The following KIF26B variants were observed in gnomAD, a reference collection of about 807,000 sequenced individuals.
The protein encoded by KIF26B is kinesin family member 26B.
KIF26B carries 63 observed loss-of-function variants against 151.2 expected under a neutral mutation model. The ratio of observed to expected loss-of-function variants is 0.42; its 90% CI spans 0.34 to 0.51. KIF26B has a LOEUF of 0.51. Ranked by LOEUF, KIF26B falls within the 20% of genes least tolerant of loss-of-function variation. The pLI is 0.07. For missense variants in KIF26B, 2,813 were observed against 2,913.6 expected, an observed-to-expected ratio of 0.97 and a Z score of 0.79; for synonymous variants, 1,357 against 1,262.1, an observed-to-expected ratio of 1.08 and a Z score of -1.59.
chr1:245,680,845 G>A (rs542845259), intron 10 of KIF26B, among the ~76,000 whole-genome samples: 3 of 152,316 alleles, frequency 2.0e-5, no homozygotes, highest in East Asian at 1.9e-4. Context: ...GAGGTGGAGC[G>A]TGCAAAGCTC....
At chr1:245,384,460 G>A (rs915763314) in intron 3 of KIF26B, among the ~76,000 whole-genome samples, 3 of 152,180 alleles carry the variant, frequency 2.0e-5, no homozygotes, top group African/African-American at 7.2e-5. Flanking sequence ...ATCTCTTTCT[G>A]TTGCCCAGCT....
At position 245,280,537 on chromosome 1, in the gene KIF26B, A is replaced by AAAAAAAAAAAAAAG. The variant is rs752454576; in HGVS notation, c.466-86293_466-86292insAAAAAAAAAGAAAA. 8.0e-4 allele frequency among the ~76,000 whole-genome samples: 99 copies of AAAAAAAAAAAAAAG among 123,686 alleles called. 1 individual carries two copies. Among genetic ancestry groups the AAAAAAAAAAAAAAG allele is most frequent in the Non-Finnish European group, 9.5e-4 (52 of 54,588 alleles). The allele number at this position is 123,686 out of a possible 152,430, so 81.1% of individuals were successfully genotyped here. On this transcript the variant is annotated intron_variant, in intron 2 of 14. Coordinates refer to ENST00000407071, the MANE Select transcript of KIF26B (RefSeq NM_018012.4). ...CAGAGCGAGACTCTGTCTCAAAAAA[A>AAAAAAAAAAAAAAG]AAAAGAAAAGAAATTATTTTAGGCA...
At chr1:245,628,761 C>A in intron 9 of KIF26B, among the ~76,000 whole-genome samples, 1 of 152,120 alleles carries the variant, frequency 6.6e-6, no homozygotes, top group East Asian at 1.9e-4. Context: ...GGCAATCAGA[C>A]AAGAGGAAGA....
chr1:245,454,684 G>A (rs1010065440), intron 4 of KIF26B, among the ~76,000 whole-genome samples: 5 of 152,204 alleles, frequency 3.3e-5, no homozygotes, highest in Admixed American at 6.5e-5. Flanking sequence ...GGCCTCAATG[G>A]AAAGGATCTG....
chr1:245,360,218 A>G (rs1483020565), intron 2 of KIF26B, among the ~76,000 whole-genome samples: 1 of 152,116 alleles, frequency 6.6e-6, no homozygotes, highest in African/African-American at 2.4e-5. Flanking sequence ...GGTTAAGTGA[A>G]TATGATATGT....
Position 245,231,518 on chromosome 1 carries a change from AG to A in KIF26B, c.465+74836del, listed in dbSNP as rs371739573. On this transcript the variant is annotated intron_variant, in intron 2 of 14. Coordinates refer to ENST00000407071, the MANE Select transcript of KIF26B (RefSeq NM_018012.4). ...GTGACAGAGCAAGACTTCGTCTAAA[AG>A]AAAAATAAATAAAACTAGAATCCAA... Among the ~76,000 whole-genome samples the A allele has an allele frequency of 2.9e-3, 448 of 151,912 alleles. 4 individuals carry two copies. The highest frequency in any genetic ancestry group is 9.9e-3 in the African/African-American group (411 of 41,518).
At chr1:245,662,156 T>C (rs943228181) in intron 10 of KIF26B, among the ~76,000 whole-genome samples, 1 of 150,242 alleles carries the variant, frequency 6.7e-6, no homozygotes, top group Non-Finnish European at 1.5e-5. Flanking sequence ...CATATATATA[T>C]ACCCAATGAC....
Position 245,698,629 on chromosome 1 carries a change from C to T in KIF26B, c.6028-258C>T, listed in dbSNP as rs1332210586. Among the ~76,000 whole-genome samples, 2 of 152,196 alleles carry T rather than the reference C, an allele frequency of 1.3e-5. No individual in the cohort carries two copies. The highest frequency in any genetic ancestry group is 2.9e-5 in the Non-Finnish European group (2 of 68,054). On this transcript the variant is annotated intron_variant, in intron 13 of 14. Coordinates refer to ENST00000407071, the MANE Select transcript of KIF26B (RefSeq NM_018012.4). The surrounding 1 kb of genome is among the most constrained non-coding windows in gnomAD (Gnocchi z 4.0). Reference sequence around the variant, plus strand: ...CTTTGTCCAACTTGAACACCCACCACCTGCTTTCTCAACTTAAGAATGGCC... The same window carrying T: ...CTTTGTCCAACTTGAACACCCACCATCTGCTTTCTCAACTTAAGAATGGCC...
intron 4 of KIF26B, among the ~76,000 whole-genome samples, chr1:245,506,823 A>G (rs1398067097): frequency 1.3e-5 from 2 of 152,056 alleles, no homozygotes; most frequent in African/African-American, 4.8e-5. Context: ...TGGGATTACA[A>G]CCATGTAATT....
At chr1:245,670,403 G>C (rs1314227447) in intron 10 of KIF26B, among the ~76,000 whole-genome samples, 1 of 151,428 alleles carries the variant, frequency 6.6e-6, no homozygotes, top group Non-Finnish European at 1.5e-5. Context: ...AGCTGTGTAA[G>C]TTTAGAGTGT....
intron 9 of KIF26B, among the ~76,000 whole-genome samples, chr1:245,613,081 G>C (rs2043546192): frequency 6.6e-6 from 1 of 152,202 alleles, no homozygotes. Context: ...TGCTGGGCTG[G>C]CCGGGCAGTG....
At chr1:245,353,705 G>A (rs7521358) in intron 2 of KIF26B, 3,755 of 152,412 alleles carry the variant, frequency 0.025, 158 homozygotes, top group African/African-American at 0.083. Context: ...TGCTCCTCCC[G>A]CCCTCCCCAC....
intron 5 of KIF26B, among the ~76,000 whole-genome samples, chr1:245,575,112 G>A (rs984208629): frequency 1.3e-5 from 2 of 150,348 alleles, no homozygotes; most frequent in African/African-American, 2.4e-5. Flanking sequence ...TGATCCACCC[G>A]CCTCGGCCTC....
chr1:245,320,237 C>T (rs1358014811), intron 2 of KIF26B, among the ~76,000 whole-genome samples: 8 of 152,174 alleles, frequency 5.3e-5, no homozygotes, highest in African/African-American at 1.9e-4. Context: ...GCAGGCAGGA[C>T]CCCAGGACTT....
At chr1:245,190,215 G>A (rs902923807) in intron 2 of KIF26B, among the ~76,000 whole-genome samples, 4 of 152,304 alleles carry the variant, frequency 2.6e-5, no homozygotes, top group African/African-American at 4.8e-5. Flanking sequence ...TACAATTCAC[G>A]ATGAAATTTG....
chr1:245,668,405 A>G (rs1395188639), intron 10 of KIF26B, among the ~76,000 whole-genome samples: 1 of 152,010 alleles, frequency 6.6e-6, no homozygotes, highest in African/African-American at 2.4e-5. Flanking sequence ...ATCACTAAAA[A>G]ACTCTAATCT....
In KIF26B at chr1:245,678,092, C is replaced by G. The variant is rs78780059; in HGVS notation, c.2259-6141C>G. Among the ~76,000 whole-genome samples the G allele has an allele frequency of 2.0e-5, 3 of 152,336 alleles. No individual in the cohort carries two copies. The East Asian group carries it at 5.8e-4, about 29-fold the overall frequency. On this transcript the variant is annotated intron_variant, in intron 10 of 14. Coordinates refer to ENST00000407071, the MANE Select transcript of KIF26B (RefSeq NM_018012.4). ...CTTTCAGGGGACAAAAGAAAAGGAT[C>G]TTCACAGATAGTTGGCTGTAAATAG... is the stretch of plus-strand genomic sequence containing the variant.
chr1:245,382,477 A>G (rs1673433463), intron 3 of KIF26B, among the ~76,000 whole-genome samples: 1 of 152,030 alleles, frequency 6.6e-6, no homozygotes, highest in Non-Finnish European at 1.5e-5. Context: ...GATTAAGTTC[A>G]TTATTCTAAA....
chr1:245,648,501 G>A (rs1199477097), intron 10 of KIF26B, among the ~76,000 whole-genome samples: 2 of 151,966 alleles, frequency 1.3e-5, no homozygotes. Context: ...CGGGCATGGT[G>A]TTGCATGGTT....
Sources: gnomAD v4.1 joint callset for allele counts (sites outside exome capture counted in the v4.1 genomes callset) on GRCh38, gnomAD v4.1.1 for gene constraint, Gnocchi (gnomAD v3.1) non-coding constraint, MANE v1.5 for transcripts, NCBI Gene and HGNC (gene_info 2026-07-23, HGNC 2026-07-21) for gene names.